The following ST8SIA5 variants were observed in gnomAD, a reference collection of about 807,000 sequenced individuals.
ST8SIA5 encodes alpha-2,8-sialyltransferase 8E.
In ST8SIA5, 24 loss-of-function variants were observed where a neutral mutation model predicts 40.2. The ratio of observed to expected loss-of-function variants is 0.60; its 90% CI spans 0.43 to 0.84. The LOEUF (loss-of-function observed/expected upper bound fraction) is 0.84, where lower values mean the gene tolerates loss of function less well. ST8SIA5 is among the 40% of genes least tolerant of loss of function. The pLI, the probability that ST8SIA5 is intolerant of heterozygous loss-of-function variation, is 0.00. For missense variants in ST8SIA5, 465 were observed against 498.5 expected (o/e 0.93, Z 0.64); for synonymous variants, 198 against 201.8 (o/e 0.98, Z 0.16).
At chr18:46,687,816 A>G (rs537129550) in intron 4 of ST8SIA5, among the ~76,000 whole-genome samples, 2 of 152,336 alleles carry the variant, frequency 1.3e-5, no homozygotes, top group South Asian at 2.1e-4. Flanking sequence ...CAGAATTTCT[A>G]TAAACTACAT....
At chr18:46,692,282 A>C in intron 2 of ST8SIA5, 27 bp from the exon 3 acceptor site, 3 of 1,609,038 alleles carry the variant, frequency 1.9e-6, no homozygotes, top group Non-Finnish European at 8.5e-7. Flanking sequence ...AGAAGAGTAC[A>C]TGAGCAGGGT....
rs2039299231 is a variant in ST8SIA5 at position 46,669,950 on chromosome 18, TC to T, written c.*10091del. On this transcript the variant is annotated 3_prime_UTR_variant, in exon 7 of 7. Coordinates refer to ENST00000315087, the MANE Select transcript of ST8SIA5 (RefSeq NM_013305.6). ...TGGGCAAAGTGGTGGGCGCCTGTAA[TC>T]CCAGCTACTTGGGAGGCTGAGGCAG... 1 of 151,852 alleles carries T rather than the reference TC, an allele frequency of 6.6e-6. No homozygotes were observed. Among genetic ancestry groups the T allele is most frequent in the Non-Finnish European group, 1.5e-5 (1 of 68,064 alleles). The allele number at this position is 151,852 out of a possible 1,614,324, so 9.4% of individuals were successfully genotyped here.
intron 1 of ST8SIA5, among the ~76,000 whole-genome samples, chr18:46,721,113 C>T (rs1270073166): frequency 6.6e-6 from 1 of 152,174 alleles, no homozygotes; most frequent in East Asian, 1.9e-4. Context: ...CAAGACTCCC[C>T]ACCCTACCCC....
intron 1 of ST8SIA5, among the ~76,000 whole-genome samples, chr18:46,719,526 AG>A (rs1315384748): frequency 6.6e-6 from 1 of 152,168 alleles, no homozygotes; most frequent in Non-Finnish European, 1.5e-5. Context: ...GAAAGACAAA[AG>A]ATACTGGCAG....
At chr18:46,746,811 T>C (rs1036955569) in intron 1 of ST8SIA5, among the ~76,000 whole-genome samples, 1 of 150,612 alleles carries the variant, frequency 6.6e-6, no homozygotes. Context: ...GCTACCTGAC[T>C]TCAAACTATA....
chr18:46,680,048 G>A lies in ST8SIA5; in HGVS notation c.1125C>T (p.Cys375=), dbSNP rs1368589595. 6.2e-7 allele frequency: 1 copy of A among 1,600,812 alleles called. No individual in the cohort carries two copies. The highest frequency in any genetic ancestry group is 8.5e-7 in the Non-Finnish European group (1 of 1,171,580). ...ILRVHTGTCS[C]C is the part of the protein sequence containing the mutation. ...GCAGCCTGGCTGGCAGCCATCAGCA[G>A]CAGCTGCAGGTGCCCGTGTGCACGC... Residue 375 remains cysteine, a synonymous_variant, in exon 7 of 7, where the codon TGC becomes TGT. Transcript: ENST00000315087.
At position 46,675,619 on chromosome 18, in the gene ST8SIA5, C is replaced by T. The variant is rs922918785; in HGVS notation, c.*4423G>A. ...AATAGATGAGATTTCTGCAGGAATG[C>T]TCCTAGGAAGAGAAGAGAACCCTGA... On this transcript the variant is annotated 3_prime_UTR_variant, in exon 7 of 7. Transcript: ENST00000315087. 2.6e-5 allele frequency: 4 copies of T among 152,136 alleles called. No individual in the cohort carries two copies. Among genetic ancestry groups the T allele is most frequent in the African/African-American group, 4.8e-5 (2 of 41,420 alleles). 9.4% of individuals were successfully genotyped at this position (152,136 alleles called of 1,614,324 possible).
intron 1 of ST8SIA5, among the ~76,000 whole-genome samples, chr18:46,709,405 T>C (rs1019873659): frequency 6.6e-6 from 1 of 152,156 alleles, no homozygotes; most frequent in Non-Finnish European, 1.5e-5. Flanking sequence ...GAAATTAATT[T>C]CTCCTGTTAT....
intron 1 of ST8SIA5, among the ~76,000 whole-genome samples, chr18:46,725,369 C>T (rs4890690): frequency 2.0e-5 from 3 of 152,136 alleles, no homozygotes; most frequent in Non-Finnish European, 2.9e-5. Context: ...TAGACTTCTT[C>T]CCACAGCATG....
intron 1 of ST8SIA5, among the ~76,000 whole-genome samples, chr18:46,732,828 CT>C (rs2039997876): frequency 1.3e-5 from 2 of 151,826 alleles, no homozygotes. Flanking sequence ...AGAAATTGTG[CT>C]GTGAAGAAAC....
At chr18:46,752,030 A>G (rs1008225220) in intron 1 of ST8SIA5, among the ~76,000 whole-genome samples, 1 of 152,060 alleles carries the variant, frequency 6.6e-6, no homozygotes, top group Non-Finnish European at 1.5e-5. Flanking sequence ...CTTCTCAGGA[A>G]TTGGGCCCTG....
At chr18:46,701,294 C>A (rs2039613512) in intron 2 of ST8SIA5, among the ~76,000 whole-genome samples, 1 of 152,012 alleles carries the variant, frequency 6.6e-6, no homozygotes, top group Admixed American at 6.5e-5. Context: ...GTGCGTGCCA[C>A]CATGCCTAGC....
intron 2 of ST8SIA5, among the ~76,000 whole-genome samples, chr18:46,700,855 G>A (rs559669623): frequency 1.1e-4 from 16 of 152,188 alleles, no homozygotes; most frequent in Non-Finnish European, 4.4e-5. Context: ...AAGTGGAATC[G>A]ATGGAAGGTG....
chr18:46,702,555 G>A (rs1419009590), intron 2 of ST8SIA5, among the ~76,000 whole-genome samples: 2 of 152,172 alleles, frequency 1.3e-5, no homozygotes, highest in East Asian at 1.9e-4. Context: ...TCAGAGCCCG[G>A]GACACAGCCA....
Position 46,756,595 on chromosome 18 carries a change from G to T in ST8SIA5, c.-87C>A. 1 of 1,452,460 alleles carries T rather than the reference G, an allele frequency of 6.9e-7. No individual in the cohort carries two copies. The highest frequency in any genetic ancestry group is 1.4e-5 in the South Asian group (1 of 72,494). 90.0% of individuals were successfully genotyped at this position (1,452,460 alleles called of 1,614,324 possible). ...CCGGGGCCCCGGGGGGCGCGCGGCC[G>T]ACTTGGCGCCTCACGGTGCGGTCAG... On this transcript the variant is annotated 5_prime_UTR_variant, in exon 1 of 7. Transcript: ENST00000315087.
In ST8SIA5 at chr18:46,672,302, C is replaced by G. The variant is rs1372641016; in HGVS notation, c.*7740G>C. 6.6e-6 allele frequency: 1 copy of G among 152,120 alleles called. No homozygotes were observed. Among genetic ancestry groups the G allele is most frequent in the East Asian group, 1.9e-4 (1 of 5,190 alleles). The allele number at this position is 152,120 out of a possible 1,614,324, so 9.4% of individuals were successfully genotyped here. A position where few individuals can be genotyped will look rare whatever the true frequency, so the allele number is the denominator to read the frequency against. On this transcript the variant is annotated 3_prime_UTR_variant, in exon 7 of 7. Coordinates refer to ENST00000315087, the MANE Select transcript of ST8SIA5 (RefSeq NM_013305.6). ...GACAGAACCACTTAATGAGATCTTT[C>G]AAAATAGGGATACCAGGCCCTATCC...
chr18:46,684,029 T>C (rs1274191671), intron 5 of ST8SIA5, among the ~76,000 whole-genome samples: 1 of 151,978 alleles, frequency 6.6e-6, no homozygotes, highest in African/African-American at 2.4e-5. Flanking sequence ...TCAGGGCATC[T>C]TGGCGTGCAC....
intron 1 of ST8SIA5, among the ~76,000 whole-genome samples, chr18:46,737,932 G>A (rs562455695): frequency 1.1e-4 from 17 of 152,048 alleles, no homozygotes; most frequent in Admixed American, 2.0e-4. Flanking sequence ...CACCACGCCC[G>A]AATAATTTTT....
At chr18:46,707,042 A>G (rs1228562446) in intron 1 of ST8SIA5, among the ~76,000 whole-genome samples, 1 of 152,182 alleles carries the variant, frequency 6.6e-6, no homozygotes, top group African/African-American at 2.4e-5. Context: ...GCAAATAAGA[A>G]CAAGGGGTCA....
Sources: allele counts gnomAD v4.1 joint callset (sites outside exome capture counted in the v4.1 genomes callset), GRCh38; gene constraint gnomAD v4.1.1; transcripts MANE v1.5; gene names NCBI Gene and HGNC (gene_info 2026-07-23, HGNC 2026-07-21).